Variants in CNTLN observed in about 807,000 individuals in gnomAD.
The protein encoded by CNTLN is centlein, centrosomal protein.
CNTLN carries 212 observed loss-of-function variants against 180.0 expected under a neutral mutation model. That is an observed-to-expected ratio of 1.18 (90% CI 1.05 to 1.32). The LOEUF (loss-of-function observed/expected upper bound fraction) is 1.32, where lower values mean the gene tolerates loss of function less well. CNTLN is among the 40% of genes most tolerant of loss of function. The pLI is 0.00. For synonymous variants in CNTLN, 722 were observed against 563.1 expected, an observed-to-expected ratio of 1.28 and a Z score of -3.99; for missense variants, 2,095 against 1,610.9, an observed-to-expected ratio of 1.30 and a Z score of -5.14.
chr9:17,410,651 TTTTCCTATATTTTTCTGA>T (rs1827777036), intron 16 of CNTLN, among the ~76,000 whole-genome samples: 1 of 152,174 alleles, frequency 6.6e-6, no homozygotes, highest in South Asian at 2.1e-4. Context: ...CCATGTTGTC[TTTTCCTATATTTTTCTGA>T]TTTCCTATAT....
intron 23 of CNTLN, among the ~76,000 whole-genome samples, chr9:17,480,160 C>T (rs1832566984): frequency 6.6e-6 from 1 of 152,020 alleles, no homozygotes; most frequent in Non-Finnish European, 1.5e-5. Flanking sequence ...CACTGCATTT[C>T]AGCCCGGGTG....
intron 12 of CNTLN, among the ~76,000 whole-genome samples, chr9:17,355,250 C>G (rs1437558086): frequency 6.6e-6 from 1 of 152,180 alleles, no homozygotes; most frequent in African/African-American, 2.4e-5. Flanking sequence ...GTCCTGAACT[C>G]CTGACTTCAA....
At chr9:17,501,782 C>T (rs1833765132) in intron 25 of CNTLN, among the ~76,000 whole-genome samples, 1 of 152,122 alleles carries the variant, frequency 6.6e-6, no homozygotes, top group South Asian at 2.1e-4. Context: ...GGCTATGTAG[C>T]TGAGAATAAG....
At chr9:17,384,569 C>T (rs533003990) in intron 13 of CNTLN, among the ~76,000 whole-genome samples, 1 of 152,116 alleles carries the variant, frequency 6.6e-6, no homozygotes, top group Admixed American at 6.5e-5. Context: ...GGATTTATTT[C>T]TTGCCATTTC....
chr9:17,348,742 A>G (rs915066685), intron 12 of CNTLN, among the ~76,000 whole-genome samples: 1 of 151,714 alleles, frequency 6.6e-6, no homozygotes, highest in Non-Finnish European at 1.5e-5. Context: ...TGTTGTCCAG[A>G]CTGGTCTTGA....
Position 17,235,659 on chromosome 9 carries a change from G to A in CNTLN, c.536G>A (p.Arg179Lys), listed in dbSNP as rs1226420863. The A allele has an allele frequency of 6.4e-7, 1 of 1,573,618 alleles. No homozygotes were observed. Among genetic ancestry groups the A allele is most frequent in the Non-Finnish European group, 8.6e-7 (1 of 1,165,548 alleles). The change falls in exon 4 of 26, where the codon AGA (arginine) becomes AAA (lysine). Residue 179 changes from arginine (R) to lysine (K), a missense_variant and splice_region_variant. Arg to Lys is a conservative substitution (Grantham distance 26, BLOSUM62 2). Coordinates refer to ENST00000380647, the MANE Select transcript of CNTLN (RefSeq NM_017738.4). ...AGTAATTTAAATTTTTTTCCACAGA[G>A]AGAGTCAGTACTGAAACAGGAAATA... ...KDAKIQEFEQ[R>K]ESVLKQEIND...
chr9:17,207,564 C>A (rs908448471), intron 2 of CNTLN, among the ~76,000 whole-genome samples: 1 of 152,122 alleles, frequency 6.6e-6, no homozygotes, highest in Non-Finnish European at 1.5e-5. Context: ...GTAGCACAGT[C>A]CCTTGTGGCT....
At chr9:17,375,176 C>G (rs904852164) in intron 13 of CNTLN, among the ~76,000 whole-genome samples, 15 of 152,146 alleles carry the variant, frequency 9.9e-5, no homozygotes, top group African/African-American at 3.6e-4. Context: ...TATAGAAAGA[C>G]AGACTTCACA....
Position 17,236,563 on chromosome 9 carries a change from A to C in CNTLN, c.824A>C (p.Lys275Thr). The C allele has an allele frequency of 3.7e-6, 6 of 1,610,766 alleles. No homozygotes were observed. Among genetic ancestry groups the C allele is most frequent in the Non-Finnish European group, 5.1e-6 (6 of 1,178,958 alleles). ...CAGGAAGCACATTTGAGAAAAGAAA[A>C]ATATAGCACTGATGCAAAAATAAAG... ...RKQEAHLRKE[K>T]YSTDAKIKTF... Residue 275 changes from lysine to threonine, a missense_variant, in exon 5 of 26, where the codon AAA becomes ACA. Coordinates refer to ENST00000380647, the MANE Select transcript of CNTLN (RefSeq NM_017738.4).
intron 2 of CNTLN, among the ~76,000 whole-genome samples, chr9:17,182,654 A>G (rs1821192006): frequency 1.3e-5 from 2 of 152,198 alleles, no homozygotes; most frequent in South Asian, 4.1e-4. Flanking sequence ...AAAAAGTTTG[A>G]TAGATGACGA....
chr9:17,341,135 A>G (rs1245745709), intron 11 of CNTLN, among the ~76,000 whole-genome samples, 187 bp downstream of exon 11: 1 of 152,162 alleles, frequency 6.6e-6, no homozygotes, highest in Non-Finnish European at 1.5e-5. Context: ...ATAACTATAG[A>G]TTTTCCTCAC....
chr9:17,162,838 T>C (rs1819777188), intron 2 of CNTLN, among the ~76,000 whole-genome samples: 1 of 152,144 alleles, frequency 6.6e-6, no homozygotes, highest in African/African-American at 2.4e-5. Flanking sequence ...TTGGTTTCAA[T>C]GGATGGAGTG....
At chr9:17,348,090 C>G (rs1822056536) in intron 12 of CNTLN, among the ~76,000 whole-genome samples, 2 of 152,100 alleles carry the variant, frequency 1.3e-5, no homozygotes, top group Admixed American at 1.3e-4. Flanking sequence ...CTCCACCTCC[C>G]AAAGTGCTGG....
intron 5 of CNTLN, 43 bp from the exon 6 acceptor site, chr9:17,273,690 T>C (rs749311093): frequency 1.4e-5 from 14 of 1,035,560 alleles, no homozygotes; most frequent in Non-Finnish European, 1.8e-5. Flanking sequence ...TTACATGTAG[T>C]ATTTATTATG....
intron 2 of CNTLN, among the ~76,000 whole-genome samples, chr9:17,166,516 G>C (rs1001507865): frequency 1.3e-5 from 2 of 152,130 alleles, no homozygotes; most frequent in Non-Finnish European, 2.9e-5. Context: ...TGATTGTCCA[G>C]CACAAAGAAC....
chr9:17,352,504 G>T (rs1199879283), intron 12 of CNTLN, among the ~76,000 whole-genome samples: 1 of 150,450 alleles, frequency 6.6e-6, no homozygotes, highest in Non-Finnish European at 1.5e-5. Context: ...AAAAATGTCT[G>T]CCAATGATGA....
At chr9:17,467,371 C>T (rs967517687) in intron 23 of CNTLN, among the ~76,000 whole-genome samples, 1 of 151,470 alleles carries the variant, frequency 6.6e-6, no homozygotes, top group African/African-American at 2.4e-5. Context: ...CAGAGGTGTA[C>T]CATCTAGAAA....
At chr9:17,428,296 G>A (rs1564098172) in intron 18 of CNTLN, among the ~76,000 whole-genome samples, 1 of 152,034 alleles carries the variant, frequency 6.6e-6, no homozygotes, top group Non-Finnish European at 1.5e-5. Flanking sequence ...GACAGATTAT[G>A]ATAATAATAA....
chr9:17,524,093 T>C, the CNTLN span, among the ~76,000 whole-genome samples: 2 of 152,258 alleles, frequency 1.3e-5, no homozygotes, highest in Non-Finnish European at 2.9e-5. Flanking sequence ...TTTCTGTATA[T>C]ACCAGTTAAT....
Sources: allele counts gnomAD v4.1 joint callset (sites outside exome capture counted in the v4.1 genomes callset), GRCh38; gene constraint gnomAD v4.1.1; transcripts MANE v1.5; gene names NCBI Gene and HGNC (gene_info 2026-07-23, HGNC 2026-07-21).